PIEZO1: variants seen among roughly 807,000 people sequenced by gnomAD.
PIEZO1 encodes piezo type mechanosensitive ion channel component 1 (Er blood group).
In PIEZO1, 296 loss-of-function variants were observed where a neutral mutation model predicts 297.2. The observed-to-expected ratio is 1.00, with a 90% confidence interval of 0.91 to 1.10. The LOEUF (loss-of-function observed/expected upper bound fraction) is 1.10, where lower values mean the gene tolerates loss of function less well. Among genes scored for constraint, PIEZO1 ranks in the 50% least tolerant of loss-of-function variants. PIEZO1 has a pLI of 0.00. For missense variants in PIEZO1, 5,018 were observed against 3,455.5 expected, an observed-to-expected ratio of 1.45 and a Z score of -11.34; for synonymous variants, 2,427 against 1,507.5, an observed-to-expected ratio of 1.61 and a Z score of -14.13.
At chr16:88,719,342 G>C (rs1229331460) in intron 44 of PIEZO1, 3 of 543,654 alleles carry the variant, frequency 5.5e-6, no homozygotes, top group Non-Finnish European at 9.9e-6. Context: ...CTGCCAGCCT[G>C]CCTGGAACAG....
At chr16:88,746,762 C>T (rs57988857) in intron 2 of PIEZO1, among the ~76,000 whole-genome samples, 2 of 152,258 alleles carry the variant, frequency 1.3e-5, no homozygotes, top group South Asian at 2.1e-4. Context: ...ACCCCAGCTC[C>T]TCCCCTGGCC....
At chr16:88,755,473 C>A (rs187125877) in intron 1 of PIEZO1, among the ~76,000 whole-genome samples, 1 of 152,252 alleles carries the variant, frequency 6.6e-6, no homozygotes, top group Admixed American at 6.5e-5. Context: ...CGTTCCCAGC[C>A]ACCTGCACAT....
intron 1 of PIEZO1, among the ~76,000 whole-genome samples, chr16:88,771,969 G>A (rs1307989579): frequency 3.0e-5 from 1 of 33,604 alleles, no homozygotes; most frequent in Non-Finnish European, 4.9e-5. Flanking sequence ...CCGTCCACCC[G>A]CGGCCCCAGG....
At chr16:88,746,926 G>C (rs1906090671) in intron 2 of PIEZO1, among the ~76,000 whole-genome samples, 1 of 152,254 alleles carries the variant, frequency 6.6e-6, no homozygotes, top group African/African-American at 2.4e-5. Flanking sequence ...GCCCAGGATA[G>C]GGACCGGGAG....
At chr16:88,720,312 G>A (rs967473272) in intron 41 of PIEZO1, 29 bp from the exon 42 acceptor site, 1 of 1,550,046 alleles carries the variant, frequency 6.5e-7, no homozygotes, top group Non-Finnish European at 8.7e-7. Context: ...AGGTCAGGGG[G>A]AGCCAAGCCC....
At chr16:88,774,719 A>G (rs1313378131) in intron 1 of PIEZO1, among the ~76,000 whole-genome samples, 1 of 152,244 alleles carries the variant, frequency 6.6e-6, no homozygotes, top group Non-Finnish European at 1.5e-5. Flanking sequence ...GTCTTATGCC[A>G]CAGTGGCTGG....
intron 1 of PIEZO1, among the ~76,000 whole-genome samples, chr16:88,755,075 C>T (rs553902543): frequency 6.6e-6 from 1 of 152,154 alleles, no homozygotes; most frequent in South Asian, 2.1e-4. Flanking sequence ...ACGTCACCGC[C>T]GCCCCCAGTG....
rs964611699 is a variant in PIEZO1, at chr16:88,715,775, T to C, written c.7396A>G (p.Ile2466Val). The C allele has an allele frequency of 4.5e-6, 7 of 1,550,302 alleles. No individual in the cohort carries two copies. The highest frequency in any genetic ancestry group is 6.1e-6 in the Non-Finnish European group (7 of 1,146,948). The change falls in exon 51 of 51, where the codon ATT becomes GTT. Residue 2466 changes from isoleucine (I) to valine (V), a missense_variant. Physicochemically the swap from Ile to Val is conservative, Grantham distance 29 (BLOSUM62 3). Coordinates refer to ENST00000301015, the MANE Select transcript of PIEZO1 (RefSeq NM_001142864.4). ...ACGCACGGCAGCTCCTCGAACATAA[T>C]GGAGTGCGAGATCTCGCTGAAGAAT... ...RGFFSEISHSIMFEELPCVDR... is the reference protein window; with the variant it reads ...RGFFSEISHSVMFEELPCVDR...
intron 1 of PIEZO1, among the ~76,000 whole-genome samples, chr16:88,762,695 G>A (rs1001718988): frequency 6.6e-6 from 1 of 152,236 alleles, no homozygotes; most frequent in Non-Finnish European, 1.5e-5. Flanking sequence ...CTGTGTGCCA[G>A]GAAGTGGCTT....
chr16:88,727,972 G>C (rs895093867), intron 22 of PIEZO1: 1 of 220,496 alleles, frequency 4.5e-6, no homozygotes, highest in African/African-American at 2.3e-5. Context: ...CAGTGCGTGT[G>C]ATAGGACAGC....
Position 88,723,937 on chromosome 16 carries a change from G to C in PIEZO1, c.4269C>G (p.Ser1423=), listed in dbSNP as rs546147994. Residue 1423 remains serine, a synonymous_variant, in exon 31 of 51, where the codon TCC becomes TCG. Transcript: ENST00000301015. ...CAGCCTCCTCCTCTTCCTCACTGTCGGACTCAAACAGGAAGTAGTCCCCGG... is the reference window on the plus strand; with the variant it reads ...CAGCCTCCTCCTCTTCCTCACTGTCCGACTCAAACAGGAAGTAGTCCCCGG... ...IHSGDYFLFE[S]DSEEEEEAVP... is the part of the protein sequence containing the mutation. The C allele has an allele frequency of 3.9e-6, 6 of 1,549,530 alleles. No individual in the cohort carries two copies. The South Asian group carries it at 5.9e-5, about 15-fold the overall frequency.
intron 15 of PIEZO1, 40 bp downstream of exon 15, chr16:88,734,610 G>A (rs1221446353): frequency 1.3e-6 from 2 of 1,549,352 alleles, no homozygotes; most frequent in Admixed American, 3.9e-5. Context: ...AGTGCACGGG[G>A]TTTCGGCGCC....
intron 1 of PIEZO1, among the ~76,000 whole-genome samples, chr16:88,780,790 G>A (rs747513800): frequency 3.9e-5 from 6 of 152,100 alleles, no homozygotes; most frequent in Non-Finnish European, 8.8e-5. Flanking sequence ...GTGAAACCCC[G>A]TCTCTACAAA....
At position 88,749,222 on chromosome 16, in the gene PIEZO1, T is replaced by A. The variant is rs111512725; in HGVS notation, c.160+162A>T. On this transcript the variant is annotated intron_variant, in intron 2 of 50. Transcript: ENST00000301015. ...GCCACTGCACTCCAGCCTGGGCGAC[T>A]GAGCGAGACTCCGTCTCAAAAAAAA... Among the ~76,000 whole-genome samples, 788 of 150,368 alleles carry A rather than the reference T, an allele frequency of 5.2e-3. 6 individuals are homozygous for A. Among genetic ancestry groups the A allele is most frequent in the African/African-American group, 0.013 (547 of 40,836 alleles).
intron 1 of PIEZO1, among the ~76,000 whole-genome samples, chr16:88,782,958 G>C: frequency 6.6e-6 from 1 of 152,242 alleles, no homozygotes; most frequent in East Asian, 1.9e-4. Context: ...CACAGAATCA[G>C]TGTGGGGTAT....
intron 1 of PIEZO1, among the ~76,000 whole-genome samples, chr16:88,756,441 C>T (rs987764024): frequency 6.6e-6 from 1 of 152,212 alleles, no homozygotes; most frequent in African/African-American, 2.4e-5. Context: ...GAACCACACC[C>T]ACCTGAGTGC....
At chr16:88,742,503 C>T in intron 2 of PIEZO1, 81 bp from the exon 3 acceptor site, 1 of 1,434,044 alleles carries the variant, frequency 7.0e-7, no homozygotes, top group East Asian at 2.5e-5. Context: ...GACAATAGCC[C>T]CCAGCCCGGC....
At position 88,717,148 on chromosome 16, in the gene PIEZO1, T is replaced by G. The variant is rs768036762; in HGVS notation, c.6535A>C (p.Ile2179Leu). 1 of 1,551,314 alleles carries G rather than the reference T, an allele frequency of 6.4e-7. No homozygotes were observed. Among genetic ancestry groups the G allele is most frequent in the Non-Finnish European group, 8.7e-7 (1 of 1,147,214 alleles). ...ATGATGGCGATGAGGAAGAGGATGA[T>G]GAGGCCACCCATGCCGTACTTGACG... ...KIVKYGMGGL[I>L]ILFLIAIIWF... The change falls in exon 45 of 51, where the codon ATC (isoleucine) becomes CTC (leucine). Residue 2179 changes from isoleucine to leucine, a missense_variant. Ile to Leu is a conservative substitution (Grantham distance 5). Transcript: ENST00000301015.
chr16:88,736,233 T>A lies in PIEZO1; in HGVS notation c.1472A>T (p.Glu491Val). 1 of 1,549,938 alleles carries A rather than the reference T, an allele frequency of 6.5e-7. No individual in the cohort carries two copies. Among genetic ancestry groups the A allele is most frequent in the Non-Finnish European group, 8.7e-7 (1 of 1,146,744 alleles). Reference protein sequence around the residue: ...RYVWAMDLRPELPTTLGPVSL... With the variant: ...RYVWAMDLRPVLPTTLGPVSL... ...GACGGGGCCCAGGGTGGTGGGCAGC[T>A]CAGGGCGCAGGTCCATGGCCCACAC... Residue 491 changes from glutamate (E) to valine (V), a missense_variant, in exon 12 of 51, where the codon GAG (glutamate) becomes GTG (valine). Physicochemically the swap from Glu to Val is moderately radical, Grantham distance 121. Transcript: ENST00000301015.
Sources: gnomAD v4.1 joint callset for allele counts (sites outside exome capture counted in the v4.1 genomes callset) on GRCh38, gnomAD v4.1.1 for gene constraint, MANE v1.5 for transcripts, NCBI Gene and HGNC (gene_info 2026-07-23, HGNC 2026-07-21) for gene names.